Variants in FSTL4 observed in about 807,000 individuals in gnomAD.
The protein encoded by FSTL4 is follistatin like 4, also known as follistatin-related protein 4.
A neutral mutation model predicts 78.2 loss-of-function variants in FSTL4; 28 were observed. That is an observed-to-expected ratio of 0.36 (90% confidence interval 0.27 to 0.49). The LOEUF is 0.49. FSTL4 is among the 20% of genes least tolerant of loss of function. FSTL4 has a pLI of 0.98. For missense variants in FSTL4, 922 were observed against 1,084.9 expected (o/e 0.85, Z 2.11); for synonymous variants, 422 against 440.5 (o/e 0.96, Z 0.53).
At chr5:133,221,013 A>C in intron 11 of FSTL4, 147 bp from the exon 12 acceptor site, 1 of 727,770 alleles carries the variant, frequency 1.4e-6, no homozygotes, top group Non-Finnish European at 2.5e-6. Context: ...GTGGGGTAGA[A>C]TGAGCAGCCA....
intron 4 of FSTL4, among the ~76,000 whole-genome samples, chr5:133,334,800 G>C (rs1754427992): frequency 6.6e-6 from 1 of 152,150 alleles, no homozygotes; most frequent in Non-Finnish European, 1.5e-5. Flanking sequence ...AGCTCATCTG[G>C]TCCCTGAGAC....
chr5:133,616,840 T>G (rs1330803692), upstream of FSTL4, among the ~76,000 whole-genome samples: 1 of 152,220 alleles, frequency 6.6e-6, no homozygotes, highest in African/African-American at 2.4e-5. Context: ...TAGGCCACCC[T>G]AGATCTGAGC....
At chr5:133,795,511 A>G in the FSTL4 span, among the ~76,000 whole-genome samples, 1 of 152,222 alleles carries the variant, frequency 6.6e-6, no homozygotes, top group African/African-American at 2.4e-5. Context: ...TAAGTTTAGG[A>G]AACACAGGAT....
Position 133,328,328 on chromosome 5 carries a change from A to G in FSTL4, c.410-11676T>C, listed in dbSNP as rs78108710. 2.7e-3 allele frequency among the ~76,000 whole-genome samples: 417 copies of G among 152,328 alleles called. 1 individual carries two copies. Among genetic ancestry groups the G allele is most frequent in the African/African-American group, 9.7e-3 (405 of 41,576 alleles). On this transcript the variant is annotated intron_variant, in intron 4 of 15. Coordinates refer to ENST00000265342, the MANE Select transcript of FSTL4 (RefSeq NM_015082.2). ...CAGACCTTTGTTAGATAAATGGTAC[A>G]TTTGCTTATGAATGCCTGGTTCAAT...
At chr5:133,353,759 C>T (rs1379934067) in intron 4 of FSTL4, among the ~76,000 whole-genome samples, 1 of 152,224 alleles carries the variant, frequency 6.6e-6, no homozygotes, top group Admixed American at 6.5e-5. Context: ...GAAATAACAA[C>T]CCCAGAAGCA....
intron 6 of FSTL4, among the ~76,000 whole-genome samples, chr5:133,288,975 C>T (rs1047099857): frequency 2.0e-5 from 3 of 152,336 alleles, no homozygotes; most frequent in South Asian, 2.1e-4. Flanking sequence ...GCCATCCTCC[C>T]GTCTCTGCAG....
At chr5:133,350,091 T>G (rs892865729) in intron 4 of FSTL4, among the ~76,000 whole-genome samples, 1 of 143,442 alleles carries the variant, frequency 7.0e-6, no homozygotes, top group African/African-American at 2.6e-5. Flanking sequence ...AAAGGACCCA[T>G]AGGATGGACT....
At chr5:133,376,061 G>A (rs1203401545) in intron 4 of FSTL4, among the ~76,000 whole-genome samples, 1 of 152,216 alleles carries the variant, frequency 6.6e-6, no homozygotes, top group Non-Finnish European at 1.5e-5. Context: ...ATACACACGT[G>A]TGCACTTGAC....
intron 3 of FSTL4, among the ~76,000 whole-genome samples, chr5:133,557,513 C>T (rs973801061): frequency 6.6e-5 from 10 of 152,246 alleles, no homozygotes; most frequent in African/African-American, 2.4e-4. Flanking sequence ...AGCGGTATGG[C>T]TGGTGACTTC....
the FSTL4 span, among the ~76,000 whole-genome samples, chr5:133,810,331 C>T: frequency 1.3e-5 from 2 of 152,242 alleles, no homozygotes; most frequent in Non-Finnish European, 2.9e-5. Context: ...GCTCTCCAGA[C>T]ATGATGGCTA....
Position 133,505,932 on chromosome 5 carries a change from G to C in FSTL4, c.160+61254C>G, listed in dbSNP as rs145917184. On this transcript the variant is annotated intron_variant, in intron 3 of 15. Transcript: ENST00000265342. The stretch of plus-strand genomic sequence containing the variant: ...CCCATCAAAAATACCCATCCTACTT[G>C]CTTCTGAATATATTCTTCAAGTAGG... Among the ~76,000 whole-genome samples the C allele has an allele frequency of 6.3e-3, 956 of 152,336 alleles. 6 individuals carry two copies. The highest frequency in any genetic ancestry group is 0.01 in the Non-Finnish European group (705 of 68,024).
At chr5:133,500,490 T>G (rs1466737351) in intron 3 of FSTL4, among the ~76,000 whole-genome samples, 1 of 152,098 alleles carries the variant, frequency 6.6e-6, no homozygotes, top group African/African-American at 2.4e-5. Flanking sequence ...AAGCTTTGGT[T>G]TCCATGGGTC....
At chr5:133,330,012 T>C (rs1470017) in intron 4 of FSTL4, among the ~76,000 whole-genome samples, 7,188 of 152,220 alleles carry the variant, frequency 0.047, 554 homozygotes, top group African/African-American at 0.16. Context: ...CATTCACCAT[T>C]TTGGAGAATC....
At chr5:133,753,727 G>GTGTATA in the FSTL4 span, among the ~76,000 whole-genome samples, 1 of 134,828 alleles carries the variant, frequency 7.4e-6, no homozygotes, top group African/African-American at 2.8e-5. Flanking sequence ...GTGTGTGTGT[G>GTGTATA]TAGTGGCAGG....
intron 3 of FSTL4, among the ~76,000 whole-genome samples, chr5:133,425,913 G>A (rs1171352007): frequency 6.6e-6 from 1 of 152,210 alleles, no homozygotes. Context: ...AGGGACATAG[G>A]ATAAAGAGCC....
At chr5:133,653,516 G>A in the FSTL4 span, among the ~76,000 whole-genome samples, 9 of 152,064 alleles carry the variant, frequency 5.9e-5, no homozygotes, top group Admixed American at 6.6e-5. Context: ...TCTTCCTCCC[G>A]CTGAGGATTA....
chr5:133,596,777 C>T (rs768519717), intron 2 of FSTL4, among the ~76,000 whole-genome samples: 2 of 152,230 alleles, frequency 1.3e-5, no homozygotes, highest in Admixed American at 1.3e-4. Flanking sequence ...CAAACTGAAA[C>T]TCACCCTGTG....
chr5:133,343,404 C>T (rs1754629673), intron 4 of FSTL4, among the ~76,000 whole-genome samples: 1 of 152,216 alleles, frequency 6.6e-6, no homozygotes, highest in African/African-American at 2.4e-5. Flanking sequence ...TGGCCCACGG[C>T]CACCTCTCTG....
At position 133,361,222 on chromosome 5, in the gene FSTL4, T is replaced by G. The variant is rs1367428048; in HGVS notation, c.409+39516A>C. ...GAGGGGTCGCATTCCGACCCTGCAGTGCTGGCTTCTTTCCAGAGCTTTCTA... is the reference window on the plus strand; with the variant it reads ...GAGGGGTCGCATTCCGACCCTGCAGGGCTGGCTTCTTTCCAGAGCTTTCTA... On this transcript the variant is annotated intron_variant, in intron 4 of 15. Transcript: ENST00000265342. This position sits in a 1 kb window ranked among gnomAD's most constrained non-coding sequence, Gnocchi z 4.3. 1.3e-5 allele frequency among the ~76,000 whole-genome samples: 2 copies of G among 152,234 alleles called. No individual in the cohort carries two copies. Among genetic ancestry groups the G allele is most frequent in the East Asian group, 3.8e-4 (2 of 5,208 alleles).
Sources: allele counts gnomAD v4.1 joint callset (sites outside exome capture counted in the v4.1 genomes callset), GRCh38; gene constraint gnomAD v4.1.1; non-coding constraint Gnocchi (gnomAD v3.1); transcripts MANE v1.5; gene names NCBI Gene and HGNC (gene_info 2026-07-23, HGNC 2026-07-21).